Variants in CHRM3 observed in about 807,000 individuals in gnomAD.
CHRM3 encodes the protein cholinergic receptor muscarinic 3.
In CHRM3, 11 loss-of-function variants were observed where a neutral mutation model predicts 41.8. The observed-to-expected ratio is 0.26, with a 90% CI of 0.17 to 0.44. CHRM3 has a LOEUF of 0.44. Ranked by LOEUF, CHRM3 falls within the 20% of genes least tolerant of loss-of-function variation. The pLI, the probability that CHRM3 is intolerant of heterozygous loss-of-function variation, is 1.00. For missense variants in CHRM3, 571 were observed against 745.4 expected (o/e 0.77, Z 2.72); for synonymous variants, 297 against 301.4 (o/e 0.99, Z 0.15).
intron 5 of CHRM3, among the ~76,000 whole-genome samples, chr1:239,682,332 A>T (rs1658648752): frequency 6.6e-6 from 1 of 152,204 alleles, no homozygotes; most frequent in Non-Finnish European, 1.5e-5. Context: ...TATCCCTTAT[A>T]TGTTAGAGTT....
chr1:239,800,637 C>G (rs1309128325), intron 5 of CHRM3, among the ~76,000 whole-genome samples: 1 of 152,170 alleles, frequency 6.6e-6, no homozygotes, highest in Non-Finnish European at 1.5e-5. Context: ...TGCCAGCATG[C>G]TGGCCCTCAG....
intron 1 of CHRM3, among the ~76,000 whole-genome samples, chr1:239,419,166 G>A (rs142505363): frequency 8.5e-5 from 13 of 152,166 alleles, no homozygotes; most frequent in Middle Eastern, 3.4e-3. Flanking sequence ...AAGGGTTCTC[G>A]TATTGCTTAT....
intron 6 of CHRM3, among the ~76,000 whole-genome samples, chr1:239,840,540 C>T (rs1673708331): frequency 6.6e-6 from 1 of 152,174 alleles, no homozygotes; most frequent in Non-Finnish European, 1.5e-5. Flanking sequence ...AAAATGCTGT[C>T]TACTGCCCTG....
intron 4 of CHRM3, among the ~76,000 whole-genome samples, chr1:239,648,974 A>G (rs1182358503): frequency 3.9e-5 from 6 of 152,192 alleles, no homozygotes; most frequent in Non-Finnish European, 8.8e-5. Flanking sequence ...TATGGTATAC[A>G]TACACACCCA....
intron 5 of CHRM3, among the ~76,000 whole-genome samples, chr1:239,787,385 C>CCTTGGCTTCATCCT (rs71168851): frequency 0.48 from 72,457 of 151,436 alleles, 17,588 homozygotes; most frequent in East Asian, 0.61. Flanking sequence ...GAGGATGAAG[C>CCTTGGCTTCATCCT]CTTGGCAGTA....
At chr1:239,724,434 A>G (rs1048180510) in intron 5 of CHRM3, among the ~76,000 whole-genome samples, 2 of 151,930 alleles carry the variant, frequency 1.3e-5, no homozygotes, top group Non-Finnish European at 2.9e-5. Flanking sequence ...TAGAATTATG[A>G]GTTAATAAAT....
chr1:239,387,386 C>G lies in CHRM3; in HGVS notation c.-521+159C>G, dbSNP rs144539698. ...GTCCAAAGAAGGGGCTGGGTAGGGA[C>G]GAGAGAGGCTGTTGATTTGGGGAAG... On this transcript the variant is annotated intron_variant, in intron 1 of 6. Transcript: ENST00000676153. This position sits in a 1 kb window ranked among gnomAD's most constrained non-coding sequence, Gnocchi z 5.1. 3.5e-3 allele frequency among the ~76,000 whole-genome samples: 530 copies of G among 151,902 alleles called. 7 individuals carry two copies. The South Asian group carries it at 0.044, about 13-fold the overall frequency.
At chr1:239,618,842 A>T (rs1264776654) in intron 3 of CHRM3, among the ~76,000 whole-genome samples, 2 of 116,450 alleles carry the variant, frequency 1.7e-5, no homozygotes, top group Admixed American at 8.1e-5. Flanking sequence ...AGACTCTGTC[A>T]GAAAAAAAAA....
intron 5 of CHRM3, among the ~76,000 whole-genome samples, chr1:239,699,313 CT>C (rs1660476833): frequency 6.6e-6 from 1 of 152,046 alleles, no homozygotes; most frequent in Non-Finnish European, 1.5e-5. Context: ...GGTGATTACC[CT>C]TAGATGAGGT....
At chr1:239,856,966 C>T (rs1230966043) in intron 6 of CHRM3, among the ~76,000 whole-genome samples, 1 of 152,160 alleles carries the variant, frequency 6.6e-6, no homozygotes, top group Admixed American at 6.5e-5. Flanking sequence ...CTCTGTAGCA[C>T]ATTAATAGTA....
chr1:239,460,159 G>A (rs565723290), intron 1 of CHRM3, among the ~76,000 whole-genome samples: 35 of 152,160 alleles, frequency 2.3e-4, no homozygotes, highest in Non-Finnish European at 4.1e-4. Flanking sequence ...CAGGAGACGC[G>A]CTGGACATTT....
At chr1:239,770,175 C>T (rs1009137727) in intron 5 of CHRM3, among the ~76,000 whole-genome samples, 5 of 152,080 alleles carry the variant, frequency 3.3e-5, no homozygotes, top group Admixed American at 1.3e-4. Context: ...GATTTATTAG[C>T]TTTCATTTCA....
intron 6 of CHRM3, among the ~76,000 whole-genome samples, chr1:239,876,044 C>T (rs1175257010): frequency 6.6e-6 from 1 of 152,150 alleles, no homozygotes. Context: ...GATTGCCATA[C>T]CTTTCCCACT....
intron 2 of CHRM3, among the ~76,000 whole-genome samples, chr1:239,517,800 A>T (rs537268999): frequency 6.6e-6 from 1 of 152,282 alleles, no homozygotes; most frequent in East Asian, 1.9e-4. Context: ...AAAATTCAGT[A>T]TGGTGAACCG....
intron 3 of CHRM3, among the ~76,000 whole-genome samples, chr1:239,609,550 A>G (rs1394452189): frequency 1.3e-5 from 2 of 152,180 alleles, no homozygotes; most frequent in African/African-American, 4.8e-5. Context: ...TATATGTTTA[A>G]ATTTTTAGGA....
intron 5 of CHRM3, among the ~76,000 whole-genome samples, chr1:239,819,220 C>A (rs113343283): frequency 6.6e-6 from 1 of 152,174 alleles, no homozygotes; most frequent in African/African-American, 2.4e-5. Context: ...CGATGTCACC[C>A]CAAATAAACG....
intron 4 of CHRM3, among the ~76,000 whole-genome samples, chr1:239,664,651 C>T (rs1435399195): frequency 2.0e-5 from 3 of 152,154 alleles, no homozygotes; most frequent in African/African-American, 7.2e-5. Context: ...CAGTCTCCCT[C>T]CCTGGGTAGC....
intron 1 of CHRM3, among the ~76,000 whole-genome samples, chr1:239,404,933 G>A (rs986643122): frequency 2.0e-5 from 3 of 151,442 alleles, no homozygotes; most frequent in Admixed American, 6.6e-5. Context: ...TTACATTTCT[G>A]AGCAAGTAAT....
intron 3 of CHRM3, among the ~76,000 whole-genome samples, chr1:239,558,676 G>A (rs556680543): frequency 6.6e-6 from 1 of 152,270 alleles, no homozygotes; most frequent in Admixed American, 6.5e-5. Flanking sequence ...TCTTTTGTGT[G>A]ACTGGGCTGG....
Sources: allele counts gnomAD v4.1 joint callset (sites outside exome capture counted in the v4.1 genomes callset), GRCh38; gene constraint gnomAD v4.1.1; non-coding constraint Gnocchi (gnomAD v3.1); transcripts MANE v1.5; gene names NCBI Gene and HGNC (gene_info 2026-07-23, HGNC 2026-07-21).